WWOX: variants seen among roughly 807,000 people sequenced by gnomAD.
The protein encoded by WWOX is WW domain containing oxidoreductase.
Under a neutral mutation model 46.2 loss-of-function variants are expected in WWOX, and 69 were observed. The observed-to-expected ratio is 1.49, with a 90% CI of 1.23 to 1.82. WWOX has a LOEUF of 1.82. Ranked by LOEUF, WWOX falls within the 40% of genes most tolerant of loss-of-function variation. WWOX has a pLI of 0.00. For missense variants in WWOX, 919 were observed against 542.6 expected (o/e 1.69, Z -6.89); for synonymous variants, 359 against 202.6 (o/e 1.77, Z -6.56).
intron 5 of WWOX, among the ~76,000 whole-genome samples, chr16:78,369,393 A>C (rs976647701): frequency 7.2e-5 from 11 of 152,210 alleles, no homozygotes; most frequent in African/African-American, 2.7e-4. Flanking sequence ...AGCTTTCTTG[A>C]CTAAGTTAGT....
At chr16:78,853,993 C>G (rs934240075) in intron 8 of WWOX, among the ~76,000 whole-genome samples, 15 of 152,070 alleles carry the variant, frequency 9.9e-5, no homozygotes, top group African/African-American at 3.6e-4. Flanking sequence ...AAAAAATGAA[C>G]AGAGGAAATG....
In WWOX at chr16:78,176,558, T is replaced by G; in HGVS notation, c.516+12269T>G. ...AGCTGGGAGAAACTTCAATGCATCT[T>G]TGTAATGGCTTTGTTGTTGTTTATT... is the stretch of plus-strand genomic sequence containing the variant. On this transcript the variant is annotated intron_variant, in intron 5 of 8. Coordinates refer to ENST00000566780, the MANE Select transcript of WWOX (RefSeq NM_016373.4). 1.3e-5 allele frequency among the ~76,000 whole-genome samples: 2 copies of G among 152,202 alleles called. 1 individual carries two copies. The highest frequency in any genetic ancestry group is 2.9e-5 in the Non-Finnish European group (2 of 68,034).
At chr16:78,989,807 AGGT>A (rs1482755811) in intron 8 of WWOX, among the ~76,000 whole-genome samples, 1 of 117,524 alleles carries the variant, frequency 8.5e-6, no homozygotes, top group Non-Finnish European at 1.9e-5. Flanking sequence ...AGTGAGACAG[AGGT>A]GGTGTGTGAG....
rs530295742 is a variant in WWOX at position 78,989,980 on chromosome 16, C to T, written c.1057-221628C>T. On this transcript the variant is annotated intron_variant, in intron 8 of 8. Transcript: ENST00000566780. ...AGCAAATTGCTTGAACTCACGAGTTCGAGGCTAGCCTGGGCAACACGGCAA... is the reference window on the plus strand; with the variant it reads ...AGCAAATTGCTTGAACTCACGAGTTTGAGGCTAGCCTGGGCAACACGGCAA... 1.8e-3 allele frequency among the ~76,000 whole-genome samples: 268 copies of T among 151,520 alleles called. 1 individual carries two copies. The highest frequency in any genetic ancestry group is 2.9e-3 in the Non-Finnish European group (195 of 67,862).
chr16:78,663,416 C>G (rs1013512268), intron 8 of WWOX, among the ~76,000 whole-genome samples: 6 of 152,112 alleles, frequency 3.9e-5, no homozygotes, highest in African/African-American at 1.4e-4. Flanking sequence ...CTTTGTTTAT[C>G]CATTCACAGT....
intron 8 of WWOX, among the ~76,000 whole-genome samples, chr16:78,654,066 A>G (rs1312885354): frequency 2.6e-5 from 4 of 152,240 alleles, no homozygotes; most frequent in Non-Finnish European, 5.9e-5. Flanking sequence ...TCATATTGCT[A>G]CTTAAAGCAA....
intron 8 of WWOX, among the ~76,000 whole-genome samples, chr16:78,619,653 C>G (rs1239970188): frequency 6.6e-6 from 1 of 151,852 alleles, no homozygotes; most frequent in Non-Finnish European, 1.5e-5. Context: ...GTCTGTAAAG[C>G]CAGCACTTCG....
chr16:78,722,721 T>TCCTC (rs1031985492), intron 8 of WWOX, among the ~76,000 whole-genome samples: 1 of 132,512 alleles, frequency 7.5e-6, no homozygotes, highest in Non-Finnish European at 1.6e-5. Flanking sequence ...TTTTTTTTTT[T>TCCTC]CCTCTAAATA....
intron 8 of WWOX, among the ~76,000 whole-genome samples, chr16:78,767,058 TTCCCTCCCTCCC>T (rs369061899): frequency 6.6e-6 from 1 of 150,736 alleles, no homozygotes; most frequent in African/African-American, 2.4e-5. Flanking sequence ...CTTCCTCTCC[TTCCCTCCCTCCC>T]TCCCTCCCTC....
At chr16:79,039,834 A>G (rs1803135848) in intron 8 of WWOX, among the ~76,000 whole-genome samples, 1 of 152,178 alleles carries the variant, frequency 6.6e-6, no homozygotes, top group African/African-American at 2.4e-5. Flanking sequence ...GATATTCATC[A>G]TCTGACTCAT....
chr16:78,435,562 C>G (rs1056440840), intron 8 of WWOX, among the ~76,000 whole-genome samples: 1 of 152,190 alleles, frequency 6.6e-6, no homozygotes, highest in Non-Finnish European at 1.5e-5. Context: ...AAAGTGGTGA[C>G]ATCGCAAAAA....
At chr16:78,920,788 G>T (rs1410080295) in intron 8 of WWOX, among the ~76,000 whole-genome samples, 1 of 152,142 alleles carries the variant, frequency 6.6e-6, no homozygotes, top group East Asian at 1.9e-4. Flanking sequence ...ATTACGCTGA[G>T]CATGAAAATA....
intron 8 of WWOX, among the ~76,000 whole-genome samples, chr16:78,647,794 C>T (rs1018888731): frequency 5.3e-5 from 8 of 152,186 alleles, no homozygotes; most frequent in African/African-American, 1.7e-4. Context: ...AGAACAGAAG[C>T]CACAAACGTG....
chr16:78,806,601 C>T (rs1567573386), intron 8 of WWOX, among the ~76,000 whole-genome samples: 1 of 151,996 alleles, frequency 6.6e-6, no homozygotes, highest in South Asian at 2.1e-4. Flanking sequence ...CTCCATGTAC[C>T]CTGAGCTTCC....
intron 5 of WWOX, among the ~76,000 whole-genome samples, chr16:78,350,262 G>C (rs1188819369): frequency 8.2e-6 from 1 of 121,402 alleles, no homozygotes; most frequent in Non-Finnish European, 2.0e-5. Context: ...GCTGAAGTTT[G>C]TAAATTTTCT....
intron 8 of WWOX, among the ~76,000 whole-genome samples, chr16:78,659,132 A>G (rs1349578432): frequency 6.6e-6 from 1 of 151,618 alleles, no homozygotes. Flanking sequence ...AACAAAACAC[A>G]TGCTGGTGCA....
chr16:79,187,325 A>T (rs959425970), intron 8 of WWOX, among the ~76,000 whole-genome samples: 1 of 152,172 alleles, frequency 6.6e-6, no homozygotes, highest in Non-Finnish European at 1.5e-5. Context: ...CCAAACATGG[A>T]TTTAACAAGC....
chr16:78,564,132 C>A (rs545379971), intron 8 of WWOX, among the ~76,000 whole-genome samples: 1 of 152,362 alleles, frequency 6.6e-6, no homozygotes, highest in African/African-American at 2.4e-5. Context: ...CAGACACCTG[C>A]CCAGCTGAGC....
intron 7 of WWOX, among the ~76,000 whole-genome samples, chr16:78,431,502 A>G (rs28477734): frequency 0.044 from 6,770 of 152,252 alleles, 207 homozygotes; most frequent in South Asian, 0.15. Flanking sequence ...TAGGAATGTG[A>G]TATCTTTCTG....
Sources: allele counts gnomAD v4.1 joint callset (sites outside exome capture counted in the v4.1 genomes callset), GRCh38; gene constraint gnomAD v4.1.1; transcripts MANE v1.5; gene names NCBI Gene and HGNC (gene_info 2026-07-23, HGNC 2026-07-21).